Variants in PSMC5 observed in about 807,000 individuals in gnomAD.
The protein encoded by PSMC5 is proteasome 26S subunit, ATPase 5.
PSMC5 carries 11 observed loss-of-function variants against 49.1 expected under a neutral mutation model. The ratio of observed to expected loss-of-function variants is 0.22; its 90% CI spans 0.14 to 0.37. The LOEUF (loss-of-function observed/expected upper bound fraction) is 0.37. Among genes scored for constraint, PSMC5 ranks in the 10% least tolerant of loss-of-function variants. The pLI is 1.00. For synonymous variants in PSMC5, 206 were observed against 192.2 expected (o/e 1.07, Z -0.59); for missense variants, 229 against 520.9 (o/e 0.44, Z 5.45).
At position 63,830,072 on chromosome 17, in the gene PSMC5, C is replaced by T; in HGVS notation, c.265-61C>T. 1 of 1,590,448 alleles carries T rather than the reference C, an allele frequency of 6.3e-7. No individual in the cohort carries two copies. Among genetic ancestry groups the T allele is most frequent in the Non-Finnish European group, 8.6e-7 (1 of 1,166,656 alleles). The stretch of plus-strand genomic sequence containing the variant: ...GTATTGTGGGATTCTCATAGGTCTT[C>T]CTGGGTAGGATTAGTGATTTGGTGG... On this transcript the variant is annotated intron_variant, in intron 4 of 11. Coordinates refer to ENST00000310144, the MANE Select transcript of PSMC5 (RefSeq NM_002805.6). The surrounding 1 kb of genome is among the most constrained non-coding windows in gnomAD (Gnocchi z 4.0).
intron 3 of PSMC5, 131 bp downstream of exon 3, chr17:63,829,694 C>A: frequency 8.3e-7 from 1 of 1,211,078 alleles, no homozygotes; most frequent in Non-Finnish European, 1.2e-6. Flanking sequence ...TCACATGCAT[C>A]TCTTTTTCCT....
chr17:63,828,317 C>A, intron 2 of PSMC5, 108 bp downstream of exon 2: 3 of 1,073,458 alleles, frequency 2.8e-6, no homozygotes, highest in Non-Finnish European at 4.1e-6. Context: ...GAAGCTGCTG[C>A]TTCTCCTTTC....
chr17:63,828,736 G>C (rs1468831747), intron 2 of PSMC5: 3 of 155,880 alleles, frequency 1.9e-5, no homozygotes, highest in African/African-American at 7.2e-5. Context: ...TGTGTTACCA[G>C]TAAGGCTTCC....
intron 2 of PSMC5, chr17:63,829,142 C>T (rs891526885): frequency 3.4e-4 from 83 of 242,674 alleles, no homozygotes; most frequent in African/African-American, 1.8e-3. Context: ...TGATTGACAG[C>T]GGCTGGGCTA....
chr17:63,829,712 A>G (rs2144617930), intron 3 of PSMC5, 140 bp from the exon 4 acceptor site: 1 of 1,211,222 alleles, frequency 8.3e-7, no homozygotes, highest in East Asian at 2.5e-5. Flanking sequence ...CCTGAGCCCT[A>G]TTGTAGCCTC....
In PSMC5 at chr17:63,830,045, A is replaced by G. The variant is rs2040163568; in HGVS notation, c.265-88A>G. ...GGAGACAGGGTTCTGTGTTCTGTCA[A>G]GGTATTGTGGGATTCTCATAGGTCT... On this transcript the variant is annotated intron_variant, in intron 4 of 11. Transcript: ENST00000310144. The surrounding 1 kb of genome is among the most constrained non-coding windows in gnomAD (Gnocchi z 4.0). The G allele has an allele frequency of 1.9e-6, 3 of 1,570,430 alleles. No homozygotes were observed. Among genetic ancestry groups the G allele is most frequent in the African/African-American group, 1.4e-5 (1 of 73,842 alleles).
chr17:63,831,498 A>G lies in PSMC5; in HGVS notation c.970-8A>G, dbSNP rs1296373068. 9.3e-6 allele frequency: 15 copies of G among 1,614,038 alleles called. No homozygotes were observed. Among genetic ancestry groups the G allele is most frequent in the Non-Finnish European group, 1.3e-5 (15 of 1,179,938 alleles). ...TGTGGGGCTCAGGCTTTTCCTTGCC[A>G]TCTCCAGGCCCGGCTGGACATTTTG... On this transcript the variant is annotated splice_polypyrimidine_tract_variant and splice_region_variant and intron_variant, in intron 9 of 11. Coordinates refer to ENST00000310144, the MANE Select transcript of PSMC5 (RefSeq NM_002805.6). The surrounding 1 kb of genome is among the most constrained non-coding windows in gnomAD (Gnocchi z 6.3).
At chr17:63,829,755 C>T in intron 3 of PSMC5, 97 bp from the exon 4 acceptor site, 1 of 1,398,542 alleles carries the variant, frequency 7.2e-7, no homozygotes, top group Admixed American at 1.8e-5. Flanking sequence ...TTTGGCCTTC[C>T]TTTAATAAGA....
At position 63,830,977 on chromosome 17, in the gene PSMC5, G is replaced by A; in HGVS notation, c.679+42G>A. 6 of 1,612,922 alleles carry A rather than the reference G, an allele frequency of 3.7e-6. No homozygotes were observed. The highest frequency in any genetic ancestry group is 5.1e-6 in the Non-Finnish European group (6 of 1,179,268). ...ATGTGAGAAGCAAGAGGTAGGGGTA[G>A]GGGGTTAGAGAGCTAATAAGCTAAT... On this transcript the variant is annotated intron_variant, in intron 7 of 11. Transcript: ENST00000310144. This position sits in a 1 kb window ranked among gnomAD's most constrained non-coding sequence, Gnocchi z 4.0.
rs903022050 is a variant in PSMC5 at position 63,830,741 on chromosome 17, C to G, written c.553-68C>G. The G allele has an allele frequency of 7.6e-6, 12 of 1,584,694 alleles. No homozygotes were observed. Among genetic ancestry groups the G allele is most frequent in the African/African-American group, 1.4e-5 (1 of 73,670 alleles). On this transcript the variant is annotated intron_variant, in intron 6 of 11. Transcript: ENST00000310144. The surrounding 1 kb of genome is among the most constrained non-coding windows in gnomAD (Gnocchi z 4.0). Reference sequence around the variant, plus strand: ...AACATCTAGCAAGGGACCCAGCACTCGGTAAATGTTCACTGAATGAAATGA... The same window carrying G: ...AACATCTAGCAAGGGACCCAGCACTGGGTAAATGTTCACTGAATGAAATGA...
Position 63,830,545 on chromosome 17 carries a change from C to A in PSMC5, c.552+44C>A, listed in dbSNP as rs2040170432. On this transcript the variant is annotated intron_variant, in intron 6 of 11. Coordinates refer to ENST00000310144, the MANE Select transcript of PSMC5 (RefSeq NM_002805.6). The surrounding 1 kb of genome is among the most constrained non-coding windows in gnomAD (Gnocchi z 4.0). ...CTGAGAGGGCCAAGCTGTACTTACT[C>A]CTCCTGCCCCAGCCAGCCCTACTGC... 1.9e-6 allele frequency: 3 copies of A among 1,601,700 alleles called. No homozygotes were observed. In the African/African-American group the frequency reaches 4.0e-5, roughly 21 times the overall value.
intron 2 of PSMC5, 54 bp from the exon 3 acceptor site, chr17:63,829,440 C>T (rs1368246645): frequency 9.2e-6 from 14 of 1,515,292 alleles, no homozygotes; most frequent in Non-Finnish European, 1.2e-5. Context: ...CAAGATCCTA[C>T]CTCCTCCTGT....
In PSMC5 at chr17:63,830,441, G is replaced by C; in HGVS notation, c.492G>C (p.Val164=). Reference sequence around the variant, plus strand: ...AACAGATCAAGGAGATCAAAGAAGTGATCGAGCTGCCTGTTAAGCATCCTG... The same window carrying C: ...AACAGATCAAGGAGATCAAAGAAGTCATCGAGCTGCCTGTTAAGCATCCTG... ...LDKQIKEIKE[V]IELPVKHPEL... is the part of the protein sequence containing the mutation. The change falls in exon 6 of 12, where the codon GTG becomes GTC. Residue 164 remains valine, a synonymous_variant. Transcript: ENST00000310144. The surrounding 1 kb of genome is among the most constrained non-coding windows in gnomAD (Gnocchi z 4.0). The C allele has an allele frequency of 1.2e-6, 2 of 1,614,198 alleles. No homozygotes were observed. The highest frequency in any genetic ancestry group is 1.7e-6 in the Non-Finnish European group (2 of 1,180,038).
intron 2 of PSMC5, 23 bp downstream of exon 2, chr17:63,828,232 G>T (rs2040136013): frequency 1.2e-6 from 2 of 1,610,638 alleles, no homozygotes. Flanking sequence ...TCCAGAGGGA[G>T]CTAGGAAGGG....
intron 1 of PSMC5, 89 bp from the exon 2 acceptor site, chr17:63,828,049 G>A (rs1362566358): frequency 3.4e-6 from 5 of 1,478,418 alleles, no homozygotes; most frequent in Non-Finnish European, 4.7e-6. Flanking sequence ...AAAGCTACCT[G>A]GTGTCAAGCC....
rs368691895 is a variant in PSMC5, at chr17:63,830,342, A to G, written c.393A>G (p.Val131=). 5.0e-6 allele frequency: 8 copies of G among 1,614,116 alleles called. No homozygotes were observed. In the South Asian group the frequency reaches 8.8e-5, roughly 18 times the overall value. The stretch of plus-strand genomic sequence containing the variant: ...TGCACAAGATCCTGCCCAACAAGGT[A>G]GACCCATTAGTGTCACTGATGATGG... The part of the protein sequence containing the change: ...YTLHKILPNK[V]DPLVSLMMVE... The change falls in exon 6 of 12, where the codon GTA becomes GTG. Residue 131 remains valine (V), a synonymous_variant. Transcript: ENST00000310144. The surrounding 1 kb of genome is among the most constrained non-coding windows in gnomAD (Gnocchi z 4.0).
At position 63,830,015 on chromosome 17, in the gene PSMC5, C is replaced by T. The variant is rs950245150; in HGVS notation, c.264+66C>T. 1.3e-6 allele frequency: 2 copies of T among 1,562,596 alleles called. No homozygotes were observed. The highest frequency in any genetic ancestry group is 1.7e-6 in the Non-Finnish European group (2 of 1,148,218). ...TGCATTCCCACCCCTTTGTGTGTAG[C>T]CTCGGGAGACAGGGTTCTGTGTTCT... is the stretch of plus-strand genomic sequence containing the variant. On this transcript the variant is annotated intron_variant, in intron 4 of 11. Coordinates refer to ENST00000310144, the MANE Select transcript of PSMC5 (RefSeq NM_002805.6). This position sits in a 1 kb window ranked among gnomAD's most constrained non-coding sequence, Gnocchi z 4.0.
Position 63,830,448 on chromosome 17 carries a change from C to T in PSMC5, c.499C>T (p.Leu167=). Residue 167 remains leucine, a synonymous_variant, in exon 6 of 12, where the codon CTG becomes TTG. Transcript: ENST00000310144. This position sits in a 1 kb window ranked among gnomAD's most constrained non-coding sequence, Gnocchi z 4.0. ...CAAGGAGATCAAAGAAGTGATCGAG[C>T]TGCCTGTTAAGCATCCTGAGCTCTT... ...QIKEIKEVIE[L]PVKHPELFEA... 1.2e-6 allele frequency: 2 copies of T among 1,614,196 alleles called. No individual in the cohort carries two copies. The highest frequency in any genetic ancestry group is 1.1e-5 in the South Asian group (1 of 91,088).
Position 63,831,319 on chromosome 17 carries a change from C to T in PSMC5, c.871-8C>T, listed in dbSNP as rs2040183311. ...TTTAGCTGATCCCCACTTGCTTTCTCTGCTCAGGTTATCATGGCTACTAAT... is the reference window on the plus strand; with the variant it reads ...TTTAGCTGATCCCCACTTGCTTTCTTTGCTCAGGTTATCATGGCTACTAAT... On this transcript the variant is annotated splice_polypyrimidine_tract_variant and splice_region_variant and intron_variant, in intron 8 of 11. Transcript: ENST00000310144. This position sits in a 1 kb window ranked among gnomAD's most constrained non-coding sequence, Gnocchi z 6.3. 3 of 1,613,756 alleles carry T rather than the reference C, an allele frequency of 1.9e-6. No individual in the cohort carries two copies. The highest frequency in any genetic ancestry group is 8.5e-7 in the Non-Finnish European group (1 of 1,179,870).
Sources: gnomAD v4.1 joint callset for allele counts on GRCh38, gnomAD v4.1.1 for gene constraint, Gnocchi (gnomAD v3.1) non-coding constraint, MANE v1.5 for transcripts, NCBI Gene and HGNC (gene_info 2026-07-23, HGNC 2026-07-21) for gene names.